ARID3A: variants seen among roughly 807,000 people sequenced by gnomAD.
ARID3A encodes AT-rich interaction domain 3A.
In ARID3A, 11 loss-of-function variants were observed where a neutral mutation model predicts 52.7. The observed-to-expected ratio is 0.21, with a 90% CI of 0.13 to 0.35. The LOEUF (loss-of-function observed/expected upper bound fraction) is 0.35. ARID3A is among the 10% of genes least tolerant of loss of function. The pLI is 1.00. For missense variants in ARID3A, 721 were observed against 838.5 expected (o/e 0.86, Z 1.73); for synonymous variants, 404 against 359.4 (o/e 1.12, Z -1.40).
intron 3 of ARID3A, among the ~76,000 whole-genome samples, chr19:936,401 G>C (rs1044667218): frequency 6.6e-6 from 1 of 152,146 alleles, no homozygotes; most frequent in African/African-American, 2.4e-5. Flanking sequence ...AAAATTAGCT[G>C]AGTGTGGTGG....
At chr19:966,165 C>CAA (rs558429852) in intron 6 of ARID3A, among the ~76,000 whole-genome samples, 15,817 of 116,242 alleles carry the variant, frequency 0.14, 964 homozygotes, top group South Asian at 0.31. Context: ...TGTCTCAAAG[C>CAA]AAAAAAAAAA....
Position 938,068 on chromosome 19 carries a change from T to C in ARID3A, c.693+5326T>C, listed in dbSNP as rs955803075. ...CGTGTTGGGCAGGGTGGTCTTGAAC[T>C]CCCAACCTCAGGTGATCCTCACACC... On this transcript the variant is annotated intron_variant, in intron 3 of 8. Coordinates refer to ENST00000263620, the MANE Select transcript of ARID3A (RefSeq NM_005224.3). This position sits in a 1 kb window ranked among gnomAD's most constrained non-coding sequence, Gnocchi z 4.0. 5.9e-5 allele frequency among the ~76,000 whole-genome samples: 9 copies of C among 152,026 alleles called. No individual in the cohort carries two copies. The highest frequency in any genetic ancestry group is 1.9e-4 in the African/African-American group (8 of 41,386).
chr19:927,869 C>T (rs1419415863), intron 1 of ARID3A, among the ~76,000 whole-genome samples: 2 of 151,944 alleles, frequency 1.3e-5, no homozygotes, highest in Admixed American at 6.5e-5. Flanking sequence ...ATGCCCTCCT[C>T]GCTTTCTCCC....
chr19:936,180 G>A (rs1246125931), intron 3 of ARID3A, among the ~76,000 whole-genome samples: 1 of 152,244 alleles, frequency 6.6e-6, no homozygotes, highest in Non-Finnish European at 1.5e-5. Context: ...TCTAATAAGT[G>A]TTGAATGAAT....
Position 974,019 on chromosome 19 carries a change from C to T in ARID3A, c.*1954C>T, listed in dbSNP as rs1036892513. 4.4e-6 allele frequency: 1 copy of T among 228,398 alleles called. No homozygotes were observed. The highest frequency in any genetic ancestry group is 8.7e-6 in the Non-Finnish European group (1 of 115,128). 14.1% of individuals were successfully genotyped at this position (228,398 alleles called of 1,614,324 possible). A position where few individuals can be genotyped will look rare whatever the true frequency, so the allele number is the denominator to read the frequency against. ...TAACTCAGCTATTCCCAGGGTAAGC[C>T]TGGGTCTCTAATTGGGCCCTGGGAG... On this transcript the variant is annotated 3_prime_UTR_variant, in exon 9 of 9. Transcript: ENST00000263620.
rs182344124 is a variant in ARID3A, at chr19:969,164, A to G, written c.1594+661A>G. ...TTTTGTGGGTACATAGTAGGTATATATATTTATGGGTTTTATGAGATGTTT... is the reference window on the plus strand; with the variant it reads ...TTTTGTGGGTACATAGTAGGTATATGTATTTATGGGTTTTATGAGATGTTT... On this transcript the variant is annotated intron_variant, in intron 8 of 8. Transcript: ENST00000263620. Among the ~76,000 whole-genome samples, 16 of 152,186 alleles carry G rather than the reference A, an allele frequency of 1.1e-4. No homozygotes were observed. The East Asian group carries it at 3.1e-3, about 29-fold the overall frequency.
chr19:930,726 G>A (rs951072674), intron 2 of ARID3A, among the ~76,000 whole-genome samples: 2 of 150,734 alleles, frequency 1.3e-5, no homozygotes, highest in Non-Finnish European at 3.0e-5. Context: ...AGCCAAGATG[G>A]TCTCGATCTC....
intron 1 of ARID3A, among the ~76,000 whole-genome samples, chr19:927,649 AG>A (rs1270620309): frequency 1.5e-5 from 2 of 132,294 alleles, no homozygotes; most frequent in African/African-American, 5.7e-5. Context: ...AGACCCGACC[AG>A]ACCCTGAGTC....
At position 947,918 on chromosome 19, in the gene ARID3A, C is replaced by T. The variant is rs910939715; in HGVS notation, c.694-12174C>T. Among the ~76,000 whole-genome samples, 1 of 152,176 alleles carries T rather than the reference C, an allele frequency of 6.6e-6. No homozygotes were observed. The highest frequency in any genetic ancestry group is 1.9e-4 in the East Asian group (1 of 5,180). On this transcript the variant is annotated intron_variant, in intron 3 of 8. Transcript: ENST00000263620. This position sits in a 1 kb window ranked among gnomAD's most constrained non-coding sequence, Gnocchi z 6.3. ...ATCCGCCGAGGCCTGGCTGTGCTGA[C>T]GGGAATTGAAAGGACCTCGTGGCTT...
intron 3 of ARID3A, among the ~76,000 whole-genome samples, chr19:950,573 C>CCT (rs1486796853): frequency 6.6e-6 from 1 of 152,130 alleles, no homozygotes; most frequent in Admixed American, 6.5e-5. Context: ...GCGTGGGGAC[C>CCT]GGCAGGCAGG....
In ARID3A at chr19:975,601, A is replaced by G. The variant is rs2038362175; in HGVS notation, c.*3536A>G. 1 of 214,562 alleles carries G rather than the reference A, an allele frequency of 4.7e-6. No homozygotes were observed. Among genetic ancestry groups the G allele is most frequent in the Non-Finnish European group, 9.4e-6 (1 of 106,480 alleles). The allele number at this position is 214,562 out of a possible 1,614,324, so 13.3% of individuals were successfully genotyped here. ...AAACTCAGGTAATAGGAGGAAAAAA[A>G]AAAAAACTTAAAAAAATTTTTAAAA... On this transcript the variant is annotated 3_prime_UTR_variant, in exon 9 of 9. Transcript: ENST00000263620.
chr19:970,514 T>C (rs1292996436), intron 8 of ARID3A, among the ~76,000 whole-genome samples: 1 of 141,536 alleles, frequency 7.1e-6, no homozygotes, highest in East Asian at 2.0e-4. Flanking sequence ...TTTTTTTTTT[T>C]TTTTTTTTTT....
intron 8 of ARID3A, among the ~76,000 whole-genome samples, chr19:970,381 C>T (rs4807320): frequency 0.94 from 143,441 of 152,130 alleles, 67,819 homozygotes; most frequent in East Asian, 1. Flanking sequence ...GGGCAGTGGC[C>T]CACGCCTGTA....
chr19:934,974 T>A (rs1373620116), intron 3 of ARID3A, among the ~76,000 whole-genome samples: 1 of 152,206 alleles, frequency 6.6e-6, no homozygotes, highest in African/African-American at 2.4e-5. Context: ...CCCGCCCAGC[T>A]GGCCAGACAC....
Position 929,507 on chromosome 19 carries a change from T to TGGTGGC in ARID3A, c.-21_-16dup. 2 of 1,304,504 alleles carry TGGTGGC rather than the reference T, an allele frequency of 1.5e-6. No individual in the cohort carries two copies. Among genetic ancestry groups the TGGTGGC allele is most frequent in the African/African-American group, 3.2e-5 (2 of 63,012 alleles). 80.8% of individuals were successfully genotyped at this position (1,304,504 alleles called of 1,614,324 possible). On this transcript the variant is annotated 5_prime_UTR_variant, in exon 2 of 9. Transcript: ENST00000263620. The surrounding 1 kb of genome is among the most constrained non-coding windows in gnomAD (Gnocchi z 6.2). The stretch of plus-strand genomic sequence containing the variant: ...GTGGTGGTGGTGGTGGTGGTGGTGG[T>TGGTGGC]GGTGGCCCGGGCCGCAGGGCCATGA...
chr19:929,744 G>A lies in ARID3A; in HGVS notation c.216G>A (p.Leu72=). The A allele has an allele frequency of 6.4e-7, 1 of 1,557,584 alleles. No individual in the cohort carries two copies. The highest frequency in any genetic ancestry group is 8.6e-7 in the Non-Finnish European group (1 of 1,158,884). ...LAAMRAAAAG[L]GHPASPGGSE... is the part of the protein sequence containing the mutation. ...CCATGCGGGCTGCAGCTGCGGGCCT[G>A]GGACACCCAGCCAGCCCCGGCGGCT... The change falls in exon 2 of 9, where the codon CTG becomes CTA. Residue 72 remains leucine, a synonymous_variant. Coordinates refer to ENST00000263620, the MANE Select transcript of ARID3A (RefSeq NM_005224.3). This position sits in a 1 kb window ranked among gnomAD's most constrained non-coding sequence, Gnocchi z 6.2.
At chr19:946,533 C>T (rs12973526) in intron 3 of ARID3A, among the ~76,000 whole-genome samples, 16,107 of 147,194 alleles carry the variant, frequency 0.11, 1,095 homozygotes, top group East Asian at 0.25. Context: ...CTCCGCCTCC[C>T]GGGTTCACGC....
At position 966,662 on chromosome 19, in the gene ARID3A, T is replaced by C; in HGVS notation, c.1289T>C (p.Val430Ala). 1 of 1,609,972 alleles carries C rather than the reference T, an allele frequency of 6.2e-7. No homozygotes were observed. The highest frequency in any genetic ancestry group is 8.5e-7 in the Non-Finnish European group (1 of 1,177,776). Residue 430 changes from valine (V) to alanine (A), a missense_variant, in exon 7 of 9, where the codon GTG becomes GCG. By Grantham distance (64) the Val-to-Ala change is moderately conservative (BLOSUM62 0). Transcript: ENST00000263620. ...GTGGTGGCAGCCCAGGCAGCAGCTG[T>C]GCAAGCAGCAGCCGCCCAAGCAGCT... is the stretch of plus-strand genomic sequence containing the variant. ...HPVVAAQAAAVQAAAAQAAVA... is the reference protein window; with the variant it reads ...HPVVAAQAAAAQAAAAQAAVA...
chr19:958,773 G>A (rs994090661), intron 3 of ARID3A, among the ~76,000 whole-genome samples: 1 of 152,004 alleles, frequency 6.6e-6, no homozygotes, highest in Non-Finnish European at 1.5e-5. Flanking sequence ...GGCGCCTGTA[G>A]TCCCAGCTAC....
Sources: gnomAD v4.1 joint callset for allele counts (sites outside exome capture counted in the v4.1 genomes callset) on GRCh38, gnomAD v4.1.1 for gene constraint, Gnocchi (gnomAD v3.1) non-coding constraint, MANE v1.5 for transcripts, NCBI Gene and HGNC (gene_info 2026-07-23, HGNC 2026-07-21) for gene names.